The following ASIC2 variants were observed in gnomAD, a reference collection of about 807,000 sequenced individuals.
ASIC2 encodes the protein acid-sensing ion channel 2.
Under a neutral mutation model 57.3 loss-of-function variants are expected in ASIC2, and 25 were observed. The observed-to-expected ratio is 0.44, with a 90% CI of 0.32 to 0.61. The LOEUF (loss-of-function observed/expected upper bound fraction) is 0.61. Among genes scored for constraint, ASIC2 ranks in the 20% least tolerant of loss-of-function variants. The pLI, the probability that ASIC2 is intolerant of heterozygous loss-of-function variation, is 0.06. For synonymous variants in ASIC2, 319 were observed against 307.5 expected (o/e 1.04, Z -0.39); for missense variants, 641 against 738.1 (o/e 0.87, Z 1.52).
chr17:33,175,694 G>T (rs1905726862), intron 1 of ASIC2, among the ~76,000 whole-genome samples: 1 of 152,016 alleles, frequency 6.6e-6, no homozygotes, highest in African/African-American at 2.4e-5. Flanking sequence ...AGCGGCTGCT[G>T]CCTCCCCTGT....
At chr17:33,089,040 C>T (rs372633638) in intron 2 of ASIC2, 50 bp from the exon 3 acceptor site, 6 of 1,607,698 alleles carry the variant, frequency 3.7e-6, no homozygotes, top group African/African-American at 1.3e-5. Context: ...AACAGATGCT[C>T]ATGGAGTCCT....
At chr17:33,452,586 G>A (rs897391378) in intron 1 of ASIC2, among the ~76,000 whole-genome samples, 1 of 152,196 alleles carries the variant, frequency 6.6e-6, no homozygotes, top group Non-Finnish European at 1.5e-5. Flanking sequence ...CCACGACATA[G>A]TCTGACGACA....
At chr17:34,057,067 T>C (rs1908793007) in intron 1 of ASIC2, among the ~76,000 whole-genome samples, 1 of 152,236 alleles carries the variant, frequency 6.6e-6, no homozygotes, top group Non-Finnish European at 1.5e-5. Context: ...AAACTATCTA[T>C]TCATTCATTT....
Position 33,352,137 on chromosome 17 carries a change from G to A in ASIC2, c.556-240070C>T, listed in dbSNP as rs548488231. ...TACAAATGCCACCCCTCTGAGCATG[G>A]TTCCTCAGTCTCTATCTGTAGCTAA... On this transcript the variant is annotated intron_variant, in intron 1 of 9. Transcript: ENST00000359872. Among the ~76,000 whole-genome samples, 24 of 152,174 alleles carry A rather than the reference G, an allele frequency of 1.6e-4. 1 individual carries two copies. In the South Asian group the frequency reaches 4.8e-3, roughly 30 times the overall value.
At chr17:33,922,936 TGAAG>T (rs1915737994) in intron 1 of ASIC2, among the ~76,000 whole-genome samples, 1 of 152,202 alleles carries the variant, frequency 6.6e-6, no homozygotes, top group South Asian at 2.1e-4. Context: ...GCAGATGCTG[TGAAG>T]GGTCCTCTAG....
At chr17:34,129,066 C>G (rs1911877358) in intron 1 of ASIC2, among the ~76,000 whole-genome samples, 1 of 151,950 alleles carries the variant, frequency 6.6e-6, no homozygotes, top group South Asian at 2.1e-4. Flanking sequence ...TGCCTGACCC[C>G]CTACCCTCGA....
rs535225129 is a variant in ASIC2, at chr17:33,034,010, G to A, written c.988-5618C>T. On this transcript the variant is annotated intron_variant, in intron 3 of 9. Transcript: ENST00000225823. ...ATGAGATGATCAGCTGCAGAGAGGT[G>A]TACCCTCTCCACTGAGAGCTGCAGA... Among the ~76,000 whole-genome samples, 3 of 152,192 alleles carry A rather than the reference G, an allele frequency of 2.0e-5. No homozygotes were observed. The South Asian group carries it at 6.2e-4, about 32-fold the overall frequency.
intron 1 of ASIC2, among the ~76,000 whole-genome samples, chr17:33,626,806 TG>T (rs997309177): frequency 1.5e-4 from 23 of 152,316 alleles, no homozygotes; most frequent in African/African-American, 5.5e-4. Flanking sequence ...ATTTGCAACA[TG>T]CACCATTTCA....
rs138591030 is a variant in ASIC2 at position 33,482,923 on chromosome 17, C to A, written c.556-370856G>T. 1.3e-4 allele frequency among the ~76,000 whole-genome samples: 20 copies of A among 152,336 alleles called. No homozygotes were observed. The East Asian group carries it at 3.3e-3, about 25-fold the overall frequency. On this transcript the variant is annotated intron_variant, in intron 1 of 9. Coordinates refer to the ASIC2 transcript ENST00000359872. Reference sequence around the variant, plus strand: ...CTTGTTCCTTAAAATGAAGTGTTTTCTTTTCCTTGACTCCATTTCCCCAGT... The same window carrying A: ...CTTGTTCCTTAAAATGAAGTGTTTTATTTTCCTTGACTCCATTTCCCCAGT...
chr17:34,043,151 G>A (rs976769585), intron 1 of ASIC2, among the ~76,000 whole-genome samples: 1 of 152,188 alleles, frequency 6.6e-6, no homozygotes. Context: ...AGGGCATGGT[G>A]GCAGGGTAGG....
intron 1 of ASIC2, among the ~76,000 whole-genome samples, chr17:33,364,938 C>T (rs1472229848): frequency 6.6e-6 from 1 of 152,144 alleles, no homozygotes; most frequent in African/African-American, 2.4e-5. Flanking sequence ...CTAGGTTGAT[C>T]ATCCTGAAAC....
chr17:33,052,678 C>G (rs1477231025), intron 3 of ASIC2: 1 of 152,204 alleles, frequency 6.6e-6, no homozygotes, highest in Non-Finnish European at 1.5e-5. Flanking sequence ...GGTGGCTAGG[C>G]AAATCGTGCC....
intron 1 of ASIC2, among the ~76,000 whole-genome samples, chr17:34,152,024 A>AT (rs942541659): frequency 3.9e-5 from 6 of 151,996 alleles, no homozygotes; most frequent in African/African-American, 1.2e-4. Context: ...AATAATAATA[A>AT]TTTTTTTAAA....
intron 3 of ASIC2, among the ~76,000 whole-genome samples, chr17:33,030,148 T>C (rs1482985856): frequency 6.6e-6 from 1 of 152,186 alleles, no homozygotes; most frequent in Non-Finnish European, 1.5e-5. Context: ...TTATATACAA[T>C]AAAATGCATC....
chr17:34,074,407 G>A (rs1444116655), intron 1 of ASIC2, among the ~76,000 whole-genome samples: 2 of 152,104 alleles, frequency 1.3e-5, no homozygotes, highest in African/African-American at 4.8e-5. Flanking sequence ...CTGAACCTGG[G>A]TCATTTTTAT....
At chr17:33,579,727 A>G (rs967846833) in intron 1 of ASIC2, among the ~76,000 whole-genome samples, 1 of 152,228 alleles carries the variant, frequency 6.6e-6, no homozygotes, top group Admixed American at 6.5e-5. Flanking sequence ...TGTTAAAAGT[A>G]GTGCGGACCC....
At chr17:33,179,050 A>G (rs747311589) in intron 1 of ASIC2, among the ~76,000 whole-genome samples, 7 of 152,214 alleles carry the variant, frequency 4.6e-5, no homozygotes, top group African/African-American at 2.4e-5. Context: ...TCTGGGGCCC[A>G]AGGCAACCTG....
At chr17:34,062,571 T>C (rs958557770) in intron 1 of ASIC2, among the ~76,000 whole-genome samples, 1 of 151,756 alleles carries the variant, frequency 6.6e-6, no homozygotes, top group Non-Finnish European at 1.5e-5. Context: ...AAAAGATAAA[T>C]GAAACAAAAA....
chr17:33,251,223 G>C (rs1908869862), intron 1 of ASIC2, among the ~76,000 whole-genome samples: 1 of 152,154 alleles, frequency 6.6e-6, no homozygotes, highest in Non-Finnish European at 1.5e-5. Flanking sequence ...TCATGAAGTG[G>C]GTTCTAGGTT....
Sources: gnomAD v4.1 joint callset for allele counts (sites outside exome capture counted in the v4.1 genomes callset) on GRCh38, gnomAD v4.1.1 for gene constraint, MANE v1.5 for transcripts, NCBI Gene and HGNC (gene_info 2026-07-23, HGNC 2026-07-21) for gene names.